The following DPP6 variants were observed in gnomAD, a reference collection of about 807,000 sequenced individuals.
The protein encoded by DPP6 is A-type potassium channel modulatory protein DPP6.
Under a neutral mutation model 122.6 loss-of-function variants are expected in DPP6, and 69 were observed. The observed-to-expected ratio is 0.56, with a 90% CI of 0.46 to 0.69. DPP6 has a LOEUF of 0.69. Ranked by LOEUF, DPP6 falls within the 30% of genes least tolerant of loss-of-function variation. The pLI is 0.00. For missense variants in DPP6, 928 were observed against 1,116.9 expected, an observed-to-expected ratio of 0.83 and a Z score of 2.41; for synonymous variants, 418 against 433.1, an observed-to-expected ratio of 0.97 and a Z score of 0.43.
chr7:154,436,335 G>A (rs1242047488), intron 1 of DPP6, among the ~76,000 whole-genome samples: 1 of 151,602 alleles, frequency 6.6e-6, no homozygotes, highest in African/African-American at 2.4e-5. Context: ...CCTCCTTCCT[G>A]TATACTCTTC....
At chr7:154,783,160 T>G (rs984754203) in intron 10 of DPP6, among the ~76,000 whole-genome samples, 3 of 152,140 alleles carry the variant, frequency 2.0e-5, no homozygotes, top group African/African-American at 7.2e-5. Context: ...TTCCACCACC[T>G]GCTTTCTCCC....
intron 1 of DPP6, among the ~76,000 whole-genome samples, chr7:154,061,114 C>G (rs878872355): frequency 0.027 from 3,848 of 143,034 alleles, 12 homozygotes; most frequent in African/African-American, 0.087. Context: ...TGCAATCTAC[C>G]GGAAATTAAG....
At chr7:154,359,855 C>T (rs1563542363) in intron 1 of DPP6, among the ~76,000 whole-genome samples, 1 of 152,158 alleles carries the variant, frequency 6.6e-6, no homozygotes, top group African/African-American at 2.4e-5. Flanking sequence ...TTTGACTAAT[C>T]AAGGAAGCCT....
chr7:154,348,334 A>G (rs1330535062), intron 1 of DPP6, among the ~76,000 whole-genome samples: 1 of 152,262 alleles, frequency 6.6e-6, no homozygotes, highest in Non-Finnish European at 1.5e-5. Flanking sequence ...AAATAATTGG[A>G]CTAAAATATG....
At chr7:154,251,355 C>T (rs764460570) in intron 1 of DPP6, among the ~76,000 whole-genome samples, 1 of 152,102 alleles carries the variant, frequency 6.6e-6, no homozygotes, top group Non-Finnish European at 1.5e-5. Context: ...CTAGCAAAGC[C>T]GTGAAGCCAT....
chr7:153,975,333 C>A (rs1328036890), intron 1 of DPP6, among the ~76,000 whole-genome samples: 1 of 148,568 alleles, frequency 6.7e-6, no homozygotes, highest in Non-Finnish European at 1.5e-5. Flanking sequence ...GAAACAGGAC[C>A]CCCCACCCAC....
chr7:154,860,833 A>G (rs4960624), intron 17 of DPP6, among the ~76,000 whole-genome samples: 25,638 of 152,218 alleles, frequency 0.17, 2,835 homozygotes, highest in East Asian at 0.47. Context: ...CACAGCGGGC[A>G]GCTGCCCCAT....
chr7:153,754,609 T>C, the DPP6 span, among the ~76,000 whole-genome samples: 1 of 152,232 alleles, frequency 6.6e-6, no homozygotes, highest in East Asian at 1.9e-4. Context: ...GTGGCCATTA[T>C]CTTGTCAAAC....
At chr7:153,831,836 G>A in the DPP6 span, among the ~76,000 whole-genome samples, 2 of 152,186 alleles carry the variant, frequency 1.3e-5, no homozygotes, top group East Asian at 1.9e-4. Context: ...AGATGAGGGG[G>A]CTGAGGTGGG....
chr7:154,529,332 T>G (rs184746705), intron 3 of DPP6, among the ~76,000 whole-genome samples: 7 of 152,318 alleles, frequency 4.6e-5, no homozygotes, highest in African/African-American at 7.2e-5. Context: ...AGCTTAAACA[T>G]CTTCACTAAC....
intron 5 of DPP6, among the ~76,000 whole-genome samples, chr7:154,581,027 A>C (rs1301853337): frequency 6.6e-6 from 1 of 152,078 alleles, no homozygotes; most frequent in Non-Finnish European, 1.5e-5. Context: ...CTCCGCTCCC[A>C]GACTGTTTTT....
intron 3 of DPP6, among the ~76,000 whole-genome samples, chr7:154,516,892 C>G (rs1044836529): frequency 6.6e-6 from 1 of 152,116 alleles, no homozygotes; most frequent in East Asian, 1.9e-4. Flanking sequence ...CAACACGGAC[C>G]AAGGCACCAG....
chr7:154,280,351 C>T (rs1804421602), intron 1 of DPP6, among the ~76,000 whole-genome samples: 1 of 152,134 alleles, frequency 6.6e-6, no homozygotes, highest in Non-Finnish European at 1.5e-5. Context: ...CACTCTGACC[C>T]CAAGCCTGTT....
chr7:154,851,815 T>G (rs147395897), intron 16 of DPP6, among the ~76,000 whole-genome samples: 7 of 152,310 alleles, frequency 4.6e-5, no homozygotes, highest in Admixed American at 4.6e-4. Context: ...CCAGGCATCC[T>G]GCATATCATC....
chr7:154,610,606 T>C (rs989714339), intron 5 of DPP6, among the ~76,000 whole-genome samples: 8 of 152,220 alleles, frequency 5.3e-5, no homozygotes, highest in Non-Finnish European at 1.5e-5. Context: ...TCTTTGATAG[T>C]GAGGTCTTAC....
At chr7:154,731,769 T>G (rs1436855127) in intron 8 of DPP6, among the ~76,000 whole-genome samples, 1 of 152,228 alleles carries the variant, frequency 6.6e-6, no homozygotes, top group Non-Finnish European at 1.5e-5. Context: ...CCTACAACTT[T>G]TTAAAGTTTA....
At chr7:154,195,458 C>T (rs562250247) in intron 1 of DPP6, among the ~76,000 whole-genome samples, 5 of 150,358 alleles carry the variant, frequency 3.3e-5, no homozygotes, top group East Asian at 1.9e-4. Flanking sequence ...TGCCATTGGC[C>T]GGCAGCCTGT....
chr7:154,421,559 G>A (rs898118601), intron 1 of DPP6, among the ~76,000 whole-genome samples: 1 of 152,206 alleles, frequency 6.6e-6, no homozygotes, highest in African/African-American at 2.4e-5. Context: ...CCTGACCTCA[G>A]GTGATCTGCC....
At chr7:153,971,411 C>A (rs1224560525) in intron 1 of DPP6, among the ~76,000 whole-genome samples, 4 of 150,152 alleles carry the variant, frequency 2.7e-5, no homozygotes, top group Non-Finnish European at 5.9e-5. Flanking sequence ...ATTTTTACTG[C>A]TTTTATTTCC....
Sources: allele counts gnomAD v4.1 joint callset (sites outside exome capture counted in the v4.1 genomes callset), GRCh38; gene constraint gnomAD v4.1.1; transcripts MANE v1.5; gene names NCBI Gene and HGNC (gene_info 2026-07-23, HGNC 2026-07-21).